FAM135A: variants seen among roughly 807,000 people sequenced by gnomAD.
The protein encoded by FAM135A is protein FAM135A.
In FAM135A, 79 loss-of-function variants were observed where a neutral mutation model predicts 146.8. The ratio of observed to expected loss-of-function variants is 0.54; its 90% CI spans 0.45 to 0.65. The LOEUF is 0.65. Ranked by LOEUF, FAM135A falls within the 30% of genes least tolerant of loss-of-function variation. The pLI is 0.00. For missense variants in FAM135A, 1,623 were observed against 1,758.2 expected (o/e 0.92, Z 1.38); for synonymous variants, 562 against 603.6 (o/e 0.93, Z 1.01).
At chr6:70,476,366 A>G (rs752851049) in intron 7 of FAM135A, among the ~76,000 whole-genome samples, 1 of 152,186 alleles carries the variant, frequency 6.6e-6, no homozygotes, top group African/African-American at 2.4e-5. Flanking sequence ...CAAAAATGAT[A>G]TATAAATTCA....
rs867643000 is a variant in FAM135A at position 70,516,534 on chromosome 6, T to C, written c.1030-5979T>C. Among the ~76,000 whole-genome samples, 463 of 124,766 alleles carry C rather than the reference T, an allele frequency of 3.7e-3. 1 individual carries two copies. Among genetic ancestry groups the C allele is most frequent in the African/African-American group, 0.015 (433 of 28,550 alleles). The allele number at this position is 124,766 out of a possible 152,430, so 81.9% of individuals were successfully genotyped here. ...CATAAAATAGTATTTTCTTTTCTTTTTTTTTTTTTTTTTTTTTTTGAGACA... is the reference window on the plus strand; with the variant it reads ...CATAAAATAGTATTTTCTTTTCTTTCTTTTTTTTTTTTTTTTTTTGAGACA... On this transcript the variant is annotated intron_variant, in intron 12 of 21. Coordinates refer to ENST00000418814, the MANE Select transcript of FAM135A (RefSeq NM_001162529.3).
intron 4 of FAM135A, among the ~76,000 whole-genome samples, chr6:70,441,685 ATT>A (rs201530248): frequency 8.5e-5 from 12 of 140,850 alleles, no homozygotes; most frequent in Middle Eastern, 3.6e-3. Context: ...GCATTAGCAA[ATT>A]TTTTTTTTTT....
chr6:70,534,461 AG>A (rs1796440669), intron 18 of FAM135A, among the ~76,000 whole-genome samples: 1 of 151,542 alleles, frequency 6.6e-6, no homozygotes, highest in African/African-American at 2.4e-5. Flanking sequence ...CTGGGATTAC[AG>A]GCATGCACCA....
In FAM135A at chr6:70,475,658, T is replaced by G; in HGVS notation, c.298-5T>G. 9 of 1,607,150 alleles carry G rather than the reference T, an allele frequency of 5.6e-6. No individual in the cohort carries two copies. The highest frequency in any genetic ancestry group is 7.6e-6 in the Non-Finnish European group (9 of 1,176,850). Reference sequence around the variant, plus strand: ...AAAGTATCTCATAGTGTAATTTCTTTTCAGATTGAAGAAACCCTTGAGGAA... The same window carrying G: ...AAAGTATCTCATAGTGTAATTTCTTGTCAGATTGAAGAAACCCTTGAGGAA... On this transcript the variant is annotated splice_region_variant and splice_polypyrimidine_tract_variant and intron_variant, in intron 6 of 21. Coordinates refer to ENST00000418814, the MANE Select transcript of FAM135A (RefSeq NM_001162529.3).
At chr6:70,436,567 A>G (rs1475872765) in intron 4 of FAM135A, among the ~76,000 whole-genome samples, 1 of 152,192 alleles carries the variant, frequency 6.6e-6, no homozygotes, top group African/African-American at 2.4e-5. Context: ...TTAAGGGGCT[A>G]GTAAGTTCTG....
chr6:70,427,907 T>G (rs1222516082), intron 3 of FAM135A, among the ~76,000 whole-genome samples: 3 of 151,990 alleles, frequency 2.0e-5, no homozygotes, highest in Admixed American at 6.5e-5. Context: ...GAGTGTTAAT[T>G]TTTTTTTGAC....
intron 12 of FAM135A, chr6:70,504,961 A>G (rs1299871356): frequency 7.0e-6 from 1 of 142,688 alleles, no homozygotes; most frequent in Non-Finnish European, 1.5e-5. Context: ...ACTCCATCTC[A>G]AAAAAAAAAA....
chr6:70,434,266 G>A (rs1029743381), intron 4 of FAM135A, among the ~76,000 whole-genome samples: 12 of 152,204 alleles, frequency 7.9e-5, no homozygotes, highest in African/African-American at 2.9e-4. Context: ...TGGCATAAAG[G>A]ATAAGAGGAT....
chr6:70,517,559 C>G (rs1672809163), intron 12 of FAM135A, among the ~76,000 whole-genome samples: 1 of 151,728 alleles, frequency 6.6e-6, no homozygotes, highest in Non-Finnish European at 1.5e-5. Context: ...GCTGAGATTA[C>G]AGGTGCCTGC....
chr6:70,556,741 T>C lies in FAM135A; in HGVS notation c.4229-9T>C. The C allele has an allele frequency of 6.4e-7, 1 of 1,559,984 alleles. No homozygotes were observed. Among genetic ancestry groups the C allele is most frequent in the South Asian group, 1.2e-5 (1 of 84,690 alleles). On this transcript the variant is annotated splice_polypyrimidine_tract_variant and intron_variant, in intron 20 of 21. Transcript: ENST00000418814. ...TACTGCATTATAATTTATTATATTC[T>C]ATTCACAGGGCTTCATTATTTCAAA...
intron 3 of FAM135A, 157 bp downstream of exon 3, chr6:70,426,689 A>G (rs1334127598): frequency 6.6e-6 from 1 of 152,264 alleles, no homozygotes; most frequent in Non-Finnish European, 1.5e-5. Context: ...TGTTGGCAGG[A>G]CATGAGAGTC....
intron 5 of FAM135A, among the ~76,000 whole-genome samples, chr6:70,464,667 C>CTTTT (rs533623758): frequency 3.0e-5 from 3 of 99,376 alleles, no homozygotes; most frequent in African/African-American, 7.7e-5. Flanking sequence ...TCTTTTTTTT[C>CTTTT]TTTTTTTTTT....
At chr6:70,488,869 T>C (rs1321341017) in intron 10 of FAM135A, among the ~76,000 whole-genome samples, 5 of 152,144 alleles carry the variant, frequency 3.3e-5, no homozygotes, top group Admixed American at 6.6e-5. Context: ...GGGTCTGTTA[T>C]ATATGTCACT....
chr6:70,457,994 A>G (rs1018676819), intron 5 of FAM135A, among the ~76,000 whole-genome samples: 17 of 152,144 alleles, frequency 1.1e-4, no homozygotes, highest in Admixed American at 1.1e-3. Context: ...GTTTACTAGT[A>G]TATTTAAAGG....
intron 12 of FAM135A, among the ~76,000 whole-genome samples, chr6:70,521,975 G>A (rs1793687072): frequency 6.6e-6 from 1 of 152,060 alleles, no homozygotes. Context: ...GGAGTGCAAG[G>A]GCGCCATCTT....
chr6:70,505,396 A>G (rs1789535634), intron 12 of FAM135A, among the ~76,000 whole-genome samples: 1 of 152,112 alleles, frequency 6.6e-6, no homozygotes, highest in Non-Finnish European at 1.5e-5. Context: ...TTTAATCTGG[A>G]CTAATTCCTT....
chr6:70,422,527 A>G (rs1418773416), intron 2 of FAM135A, among the ~76,000 whole-genome samples: 1 of 152,246 alleles, frequency 6.6e-6, no homozygotes, highest in Non-Finnish European at 1.5e-5. Flanking sequence ...GATAATCAAT[A>G]CAAAAGAGGT....
intron 20 of FAM135A, among the ~76,000 whole-genome samples, chr6:70,555,514 A>G (rs1048939844): frequency 6.6e-6 from 1 of 152,046 alleles, no homozygotes; most frequent in Non-Finnish European, 1.5e-5. Context: ...CGACCTCCCA[A>G]AGTTCTGAGA....
At chr6:70,474,222 A>G (rs1210833115) in intron 5 of FAM135A, among the ~76,000 whole-genome samples, 3 of 152,116 alleles carry the variant, frequency 2.0e-5, no homozygotes, top group Non-Finnish European at 2.9e-5. Context: ...GGAGTCTTAT[A>G]TCCCATTTTG....
Sources: gnomAD v4.1 joint callset for allele counts (sites outside exome capture counted in the v4.1 genomes callset) on GRCh38, gnomAD v4.1.1 for gene constraint, MANE v1.5 for transcripts, NCBI Gene and HGNC (gene_info 2026-07-23, HGNC 2026-07-21) for gene names.